Variants in SLC9A7 observed in about 807,000 individuals in gnomAD.
SLC9A7 encodes the protein sodium/hydrogen exchanger 7.
Under a neutral mutation model 52.6 loss-of-function variants are expected in SLC9A7, and 19 were observed. That is an observed-to-expected ratio of 0.36 (90% confidence interval 0.25 to 0.53). SLC9A7 has a LOEUF of 0.53. SLC9A7 is among the 20% of genes least tolerant of loss of function. The pLI is 0.91. For missense variants in SLC9A7, 455 were observed against 597.9 expected (o/e 0.76, Z 2.49); for synonymous variants, 226 against 252.1 (o/e 0.90, Z 0.98).
In SLC9A7 at chrX:46,699,138, A is replaced by G. The variant is rs1298393714; in HGVS notation, c.326-16603T>C. ...ACTCAAACCAAGATGGAACAAGTTCATGTGATTCAAAATACACCATCAATT... is the reference window on the plus strand; with the variant it reads ...ACTCAAACCAAGATGGAACAAGTTCGTGTGATTCAAAATACACCATCAATT... On this transcript the variant is annotated intron_variant, in intron 1 of 16. Transcript: ENST00000616978. Among the ~76,000 whole-genome samples, 4 of 112,367 alleles carry G rather than the reference A, an allele frequency of 3.6e-5. No individual in the cohort carries two copies. In the East Asian group the frequency reaches 1.1e-3, roughly 31 times the overall value.
At chrX:46,735,885 T>A (rs947551559) in intron 1 of SLC9A7, among the ~76,000 whole-genome samples, 11 of 111,129 alleles carry the variant, frequency 9.9e-5, no homozygotes, top group Non-Finnish European at 1.9e-4. Context: ...CTTCCTCCTC[T>A]ACTCCTCCCC....
intron 1 of SLC9A7, among the ~76,000 whole-genome samples, chrX:46,748,360 AAAGAAAGGAAGG>A (rs750738107): frequency 0.073 from 3,598 of 49,315 alleles, 99 homozygotes; most frequent in Non-Finnish European, 0.1. Flanking sequence ...AAAAAAAAAG[AAAGAAAGGAAGG>A]AAGGAAGGAA....
intron 1 of SLC9A7, among the ~76,000 whole-genome samples, chrX:46,752,834 C>T (rs1021564993): frequency 2.7e-5 from 3 of 111,474 alleles, no homozygotes; most frequent in African/African-American, 9.8e-5. Context: ...TTTGCAAGTA[C>T]CATGTTCCCC....
At chrX:46,723,309 A>G (rs1284474267) in intron 1 of SLC9A7, among the ~76,000 whole-genome samples, 1 of 108,222 alleles carries the variant, frequency 9.2e-6, no homozygotes, top group Admixed American at 1.0e-4. Context: ...AAAAAAAAAA[A>G]AAAAAAAAGA....
intron 7 of SLC9A7, among the ~76,000 whole-genome samples, chrX:46,656,073 C>T (rs778837928): frequency 1.0e-3 from 112 of 111,182 alleles, no homozygotes; most frequent in African/African-American, 2.3e-3. Flanking sequence ...CCCTGACCCC[C>T]GAGCAGCCTA....
chrX:46,753,495 C>T (rs782221380), intron 1 of SLC9A7, among the ~76,000 whole-genome samples: 3 of 111,993 alleles, frequency 2.7e-5, no homozygotes, highest in Admixed American at 9.5e-5. Context: ...CTTAAAAGGA[C>T]ATCTCAAAAC....
At chrX:46,659,234 C>G (rs377314421) in intron 7 of SLC9A7, among the ~76,000 whole-genome samples, 2 of 109,370 alleles carry the variant, frequency 1.8e-5, no homozygotes, top group Admixed American at 9.8e-5. Flanking sequence ...AAAATAATAA[C>G]AGCTATCTAT....
At chrX:46,688,414 A>G (rs2146885485) in intron 1 of SLC9A7, among the ~76,000 whole-genome samples, 1 of 110,861 alleles carries the variant, frequency 9.0e-6, no homozygotes, top group South Asian at 3.9e-4. Context: ...CCTGACCAAC[A>G]TGGAGAAACC....
At chrX:46,679,484 C>T (rs904981126) in intron 3 of SLC9A7, among the ~76,000 whole-genome samples, 194 bp downstream of exon 3, 10 of 112,562 alleles carry the variant, frequency 8.9e-5, no homozygotes, top group Non-Finnish European at 1.9e-4. Flanking sequence ...ATTTTACCTT[C>T]CCACTGGCAA....
Position 46,725,804 on chromosome X carries a change from G to T in SLC9A7, c.325+32901C>A, listed in dbSNP as rs189476258. Reference sequence around the variant, plus strand: ...GTGGAGCCTTGGGTTTCACTTTCCCGAAGAATTGGTTGATCTTGAGCGGCC... The same window carrying T: ...GTGGAGCCTTGGGTTTCACTTTCCCTAAGAATTGGTTGATCTTGAGCGGCC... On this transcript the variant is annotated intron_variant, in intron 1 of 16. Coordinates refer to ENST00000616978, the MANE Select transcript of SLC9A7 (RefSeq NM_001257291.2). 6 of 722,028 alleles carry T rather than the reference G, an allele frequency of 8.3e-6. No individual in the cohort carries two copies. The South Asian group carries it at 8.5e-5, about 10-fold the overall frequency. The allele number at this position is 722,028 out of a possible 1,213,427, so 59.5% of individuals were successfully genotyped here. A position where few individuals can be genotyped will look rare whatever the true frequency, so the allele number is the denominator to read the frequency against.
chrX:46,725,879 T>C (rs1944937937), intron 1 of SLC9A7: 1 of 442,720 alleles, frequency 2.3e-6, no homozygotes, highest in Non-Finnish European at 4.1e-6. Flanking sequence ...TTATTTCTTA[T>C]GAGGAAAAAT....
At chrX:46,652,723 T>C (rs1020119787) in intron 8 of SLC9A7, among the ~76,000 whole-genome samples, 4 of 112,294 alleles carry the variant, frequency 3.6e-5, no homozygotes, top group African/African-American at 9.7e-5. Flanking sequence ...TACAGAACTG[T>C]ACTTGAATTT....
chrX:46,718,880 A>T (rs1325139852), intron 1 of SLC9A7, among the ~76,000 whole-genome samples: 1 of 112,079 alleles, frequency 8.9e-6, no homozygotes, highest in Non-Finnish European at 1.9e-5. Flanking sequence ...ATTGTGGAAG[A>T]CAGTGTGGTG....
intron 1 of SLC9A7, among the ~76,000 whole-genome samples, chrX:46,686,276 TG>T (rs369009884): frequency 8.9e-6 from 1 of 111,812 alleles, no homozygotes. Flanking sequence ...ACAGCAGAGA[TG>T]TAAGGTTAAC....
intron 12 of SLC9A7, among the ~76,000 whole-genome samples, chrX:46,636,602 A>G (rs1289555643): frequency 9.1e-6 from 1 of 110,473 alleles, no homozygotes; most frequent in African/African-American, 3.3e-5. Context: ...TGGAGGCAGT[A>G]TCACCCTCAT....
intron 1 of SLC9A7, among the ~76,000 whole-genome samples, chrX:46,695,552 T>C (rs1193254282): frequency 4.5e-5 from 5 of 112,198 alleles, no homozygotes; most frequent in Admixed American, 9.4e-5. Flanking sequence ...AAACACAGCC[T>C]AAATGCCACC....
chrX:46,650,508 C>G (rs929981828), intron 10 of SLC9A7, among the ~76,000 whole-genome samples: 1 of 107,575 alleles, frequency 9.3e-6, no homozygotes, highest in Non-Finnish European at 1.9e-5. Flanking sequence ...TTGGTGGGGG[C>G]GGGGAGAAAG....
At chrX:46,612,520 A>C (rs1382769665) in intron 16 of SLC9A7, among the ~76,000 whole-genome samples, 1 of 111,891 alleles carries the variant, frequency 8.9e-6, no homozygotes, top group Non-Finnish European at 1.9e-5. Context: ...AACATAAATA[A>C]ACTATTTAGA....
chrX:46,685,756 T>G (rs987350316), intron 1 of SLC9A7: 1 of 111,835 alleles, frequency 8.9e-6, no homozygotes, highest in African/African-American at 3.3e-5. Flanking sequence ...TCTGACGAAG[T>G]TTTACATGGC....
Sources: gnomAD v4.1 joint callset for allele counts (sites outside exome capture counted in the v4.1 genomes callset) on GRCh38, gnomAD v4.1.1 for gene constraint, MANE v1.5 for transcripts, NCBI Gene and HGNC (gene_info 2026-07-23, HGNC 2026-07-21) for gene names.